The following PTPRN2 variants were observed in gnomAD, a reference collection of about 807,000 sequenced individuals.
The protein encoded by PTPRN2 is protein tyrosine phosphatase receptor type N2, also known as receptor-type tyrosine-protein phosphatase N2.
PTPRN2 carries 74 observed loss-of-function variants against 118.8 expected under a neutral mutation model. The ratio of observed to expected loss-of-function variants is 0.62; its 90% CI spans 0.52 to 0.76. The LOEUF (loss-of-function observed/expected upper bound fraction) is 0.76, where lower values mean the gene tolerates loss of function less well. PTPRN2 is among the 30% of genes least tolerant of loss of function. The pLI, the probability that PTPRN2 is intolerant of heterozygous loss-of-function variation, is 0.00. For synonymous variants in PTPRN2, 641 were observed against 608.0 expected (o/e 1.05, Z -0.80); for missense variants, 1,481 against 1,394.4 (o/e 1.06, Z -0.99).
At chr7:157,799,889 C>G (rs1221856852) in intron 12 of PTPRN2, among the ~76,000 whole-genome samples, 1 of 135,394 alleles carries the variant, frequency 7.4e-6, no homozygotes, top group Non-Finnish European at 1.6e-5. Context: ...GGCACCACAG[C>G]CGGCCCCCTC....
At chr7:158,197,250 T>C (rs890283352) in intron 4 of PTPRN2, among the ~76,000 whole-genome samples, 33 of 152,206 alleles carry the variant, frequency 2.2e-4, no homozygotes, top group Admixed American at 2.0e-4. Context: ...TTTCCACTTC[T>C]GGGTATCAGC....
At chr7:158,052,759 C>A (rs1428616407) in intron 11 of PTPRN2, among the ~76,000 whole-genome samples, 1 of 151,752 alleles carries the variant, frequency 6.6e-6, no homozygotes, top group East Asian at 1.9e-4. Flanking sequence ...GCAGCCACTG[C>A]TTTGCCTCGA....
intron 11 of PTPRN2, among the ~76,000 whole-genome samples, chr7:157,960,398 A>T (rs957112740): frequency 2.0e-5 from 3 of 152,266 alleles, no homozygotes; most frequent in Non-Finnish European, 4.4e-5. Flanking sequence ...AATCATAATC[A>T]GGTGCTGTTT....
intron 11 of PTPRN2, among the ~76,000 whole-genome samples, chr7:158,001,484 C>G (rs1367241863): frequency 6.6e-6 from 1 of 152,074 alleles, no homozygotes; most frequent in Non-Finnish European, 1.5e-5. Context: ...CCAAACCTAC[C>G]TCCTATACCC....
At chr7:158,288,315 T>C (rs1334966357) in intron 3 of PTPRN2, among the ~76,000 whole-genome samples, 1 of 152,198 alleles carries the variant, frequency 6.6e-6, no homozygotes, top group African/African-American at 2.4e-5. Flanking sequence ...AGGGTCTTAC[T>C]AATGCCATTT....
At chr7:158,057,414 CTT>C (rs948335507) in intron 11 of PTPRN2, among the ~76,000 whole-genome samples, 4 of 152,220 alleles carry the variant, frequency 2.6e-5, no homozygotes, top group Non-Finnish European at 5.9e-5. Context: ...ATGATGGTCT[CTT>C]TTTCAGGACA....
chr7:157,647,388 C>CT (rs1805188982), intron 14 of PTPRN2, among the ~76,000 whole-genome samples: 1 of 14,774 alleles, frequency 6.8e-5, no homozygotes. Context: ...ACCCATCCAG[C>CT]GTGCACTGAA....
intron 3 of PTPRN2, among the ~76,000 whole-genome samples, chr7:158,211,901 G>T (rs1226177976): frequency 6.6e-6 from 1 of 152,118 alleles, no homozygotes; most frequent in Non-Finnish European, 1.5e-5. Flanking sequence ...GTATCAAATT[G>T]ATATCCACAC....
Position 157,711,720 on chromosome 7 carries a change from T to C in PTPRN2, c.1789-28783A>G, listed in dbSNP as rs117323683. 0.013 allele frequency among the ~76,000 whole-genome samples: 1,955 copies of C among 152,176 alleles called. 113 individuals carry two copies. The South Asian group carries it at 0.16, about 13-fold the overall frequency. Reference sequence around the variant, plus strand: ...GCTGGCTGCATCCCTGGGACCCTGGTCTCCGTCACTGGGACGCAGCAGTTC... The same window carrying C: ...GCTGGCTGCATCCCTGGGACCCTGGCCTCCGTCACTGGGACGCAGCAGTTC... On this transcript the variant is annotated intron_variant, in intron 12 of 22. Transcript: ENST00000389418.
chr7:158,423,539 A>AT (rs11419691), intron 2 of PTPRN2, among the ~76,000 whole-genome samples: 58,053 of 148,108 alleles, frequency 0.39, 12,038 homozygotes, highest in East Asian at 0.62. Context: ...CTGGTTCCTC[A>AT]TTTTTTTTTT....
At chr7:158,291,127 C>T (rs1800094847) in intron 3 of PTPRN2, among the ~76,000 whole-genome samples, 1 of 152,196 alleles carries the variant, frequency 6.6e-6, no homozygotes, top group African/African-American at 2.4e-5. Context: ...TGCCTTCATT[C>T]CACCCCACTT....
At chr7:157,766,205 AT>A (rs2079245725) in intron 12 of PTPRN2, among the ~76,000 whole-genome samples, 2 of 121,604 alleles carry the variant, frequency 1.6e-5, no homozygotes, top group Admixed American at 8.3e-5. Flanking sequence ...CCATCCATCC[AT>A]CCATCCACCC....
Position 158,551,298 on chromosome 7 carries a change from G to C in PTPRN2, c.112+36260C>G, listed in dbSNP as rs551486577. ...ATGGTCTTGCCTCAGAGCCACTCTC[G>C]TGACCTCACCCAACCCTAATCACCT... On this transcript the variant is annotated intron_variant, in intron 1 of 22. Coordinates refer to ENST00000389418, the MANE Select transcript of PTPRN2 (RefSeq NM_002847.5). 9.8e-5 allele frequency among the ~76,000 whole-genome samples: 15 copies of C among 152,340 alleles called. No homozygotes were observed. The South Asian group carries it at 2.9e-3, about 29-fold the overall frequency.
intron 11 of PTPRN2, among the ~76,000 whole-genome samples, chr7:158,020,643 T>C (rs1806806514): frequency 6.6e-6 from 1 of 152,138 alleles, no homozygotes; most frequent in Non-Finnish European, 1.5e-5. Flanking sequence ...AAATGCACCA[T>C]GTGCTCCTCC....
intron 11 of PTPRN2, among the ~76,000 whole-genome samples, chr7:158,034,592 C>T (rs1807964802): frequency 6.6e-6 from 1 of 152,172 alleles, no homozygotes; most frequent in Admixed American, 6.5e-5. Context: ...TCCATTAAAC[C>T]TCTTTATTTT....
At chr7:157,989,311 C>T (rs576797108) in intron 11 of PTPRN2, among the ~76,000 whole-genome samples, 4 of 152,092 alleles carry the variant, frequency 2.6e-5, no homozygotes, top group East Asian at 1.9e-4. Context: ...CCCAGCTACT[C>T]GAGAGGCTGA....
intron 12 of PTPRN2, among the ~76,000 whole-genome samples, chr7:157,701,566 C>A (rs1246923372): frequency 6.6e-6 from 1 of 152,198 alleles, no homozygotes; most frequent in Non-Finnish European, 1.5e-5. Flanking sequence ...TCCAGATGCA[C>A]CTTCCAGGGG....
At chr7:158,052,288 G>A (rs1206304729) in intron 11 of PTPRN2, among the ~76,000 whole-genome samples, 2 of 152,230 alleles carry the variant, frequency 1.3e-5, no homozygotes, top group South Asian at 2.1e-4. Context: ...ATTGGTTTCC[G>A]ACTTCCTCTT....
At chr7:158,238,194 G>T (rs1255666825) in intron 3 of PTPRN2, among the ~76,000 whole-genome samples, 15 of 152,098 alleles carry the variant, frequency 9.9e-5, no homozygotes, top group Non-Finnish European at 4.4e-5. Flanking sequence ...GGGAGGAAAG[G>T]CCAGAGGGTC....
Sources: gnomAD v4.1 joint callset for allele counts (sites outside exome capture counted in the v4.1 genomes callset) on GRCh38, gnomAD v4.1.1 for gene constraint, MANE v1.5 for transcripts, NCBI Gene and HGNC (gene_info 2026-07-23, HGNC 2026-07-21) for gene names.